NPAS2: variants seen among roughly 807,000 people sequenced by gnomAD.
The protein encoded by NPAS2 is neuronal PAS domain-containing protein 2.
NPAS2 carries 23 observed loss-of-function variants against 107.5 expected under a neutral mutation model. That is an observed-to-expected ratio of 0.21 (90% CI 0.15 to 0.30). The LOEUF is 0.30. Among genes scored for constraint, NPAS2 ranks in the 10% least tolerant of loss-of-function variants. The pLI, the probability that NPAS2 is intolerant of heterozygous loss-of-function variation, is 1.00. For synonymous variants in NPAS2, 403 were observed against 417.5 expected (o/e 0.97, Z 0.42); for missense variants, 756 against 1,043.3 (o/e 0.72, Z 3.79).
rs935713036 is a variant in NPAS2, at chr2:100,932,986, C to T, written c.258C>T (p.Thr86=). The change falls in exon 4 of 21, where the codon ACC becomes ACT. Residue 86 remains threonine, a synonymous_variant. Transcript: ENST00000335681. ...CATTCCTCAGTAATGAAGAATTCACCCAGCTGATGTTGGAGGTGAAATGCA... is the reference window on the plus strand; with the variant it reads ...CATTCCTCAGTAATGAAGAATTCACTCAGCTGATGTTGGAGGTGAAATGCA... ...KPSFLSNEEF[T]QLMLEALDGF... 2 of 1,612,894 alleles carry T rather than the reference C, an allele frequency of 1.2e-6. No individual in the cohort carries two copies. The highest frequency in any genetic ancestry group is 1.7e-6 in the Non-Finnish European group (2 of 1,179,004).
chr2:100,902,385 C>G (rs987075834), intron 1 of NPAS2, among the ~76,000 whole-genome samples: 2 of 152,146 alleles, frequency 1.3e-5, no homozygotes, highest in South Asian at 4.1e-4. Context: ...GGATATCACT[C>G]GGCCTTAAAA....
rs1233984515 is a variant in NPAS2, at chr2:100,934,904, G to C, written c.273+1903G>C. The C allele has an allele frequency of 4.1e-6, 4 of 985,228 alleles. No individual in the cohort carries two copies. In the African/African-American group the frequency reaches 7.0e-5, roughly 17 times the overall value. The allele number at this position is 985,228 out of a possible 1,614,324, so 61.0% of individuals were successfully genotyped here. ...AAGAATCCAGGTGCCATGTCTTAGT[G>C]GCCAGGATGTTCCCTTTCTAAAATG... On this transcript the variant is annotated intron_variant, in intron 4 of 20. Coordinates refer to ENST00000335681, the MANE Select transcript of NPAS2 (RefSeq NM_002518.4).
intron 1 of NPAS2, among the ~76,000 whole-genome samples, chr2:100,899,223 CTTTTTTT>C (rs368357697): frequency 7.5e-6 from 1 of 133,744 alleles, no homozygotes; most frequent in South Asian, 2.4e-4. Flanking sequence ...TTATGGACTT[CTTTTTTT>C]TTTTTTTTTT....
intron 1 of NPAS2, chr2:100,877,876 A>G (rs181569716): frequency 1.8e-5 from 13 of 715,198 alleles, no homozygotes; most frequent in Admixed American, 1.3e-4. Context: ...AAGAATGCCA[A>G]GGACCTTCTC....
intron 1 of NPAS2, among the ~76,000 whole-genome samples, chr2:100,873,275 CATATATATATATATATAT>C (rs376842348): frequency 6.1e-4 from 47 of 77,188 alleles, no homozygotes; most frequent in East Asian, 5.2e-3. Context: ...AAAAAAAATA[CATATATATATATATATAT>C]ATATATATAT....
At chr2:100,821,267 A>T in intron 1 of NPAS2, 1 of 1,237,888 alleles carries the variant, frequency 8.1e-7, no homozygotes, top group Non-Finnish European at 1.1e-6. Context: ...ATTAAGCAAG[A>T]TGGAAACCTT....
At chr2:100,861,558 G>A (rs923084784) in intron 1 of NPAS2, among the ~76,000 whole-genome samples, 1 of 152,136 alleles carries the variant, frequency 6.6e-6, no homozygotes, top group African/African-American at 2.4e-5. Flanking sequence ...AGAGTTGTTT[G>A]TCAGCCAGGC....
chr2:100,961,295 G>A (rs967455830), intron 7 of NPAS2, among the ~76,000 whole-genome samples: 9 of 152,168 alleles, frequency 5.9e-5, no homozygotes, highest in African/African-American at 2.2e-4. Flanking sequence ...AAGAAGACTC[G>A]TGCTGCAGGA....
chr2:100,912,253 TTTATTA>T (rs149103825), intron 2 of NPAS2, among the ~76,000 whole-genome samples: 737 of 67,258 alleles, frequency 0.011, 3 homozygotes, highest in Admixed American at 0.018. Flanking sequence ...TATTTATTTA[TTTATTA>T]TTATTATTTT....
At chr2:100,883,642 T>A (rs1016432971) in intron 1 of NPAS2, among the ~76,000 whole-genome samples, 1 of 152,150 alleles carries the variant, frequency 6.6e-6, no homozygotes, top group Non-Finnish European at 1.5e-5. Flanking sequence ...CTTAGCACCC[T>A]TCCCCATCCA....
intron 1 of NPAS2, among the ~76,000 whole-genome samples, chr2:100,866,669 T>A (rs1414245371): frequency 6.6e-6 from 1 of 152,212 alleles, no homozygotes; most frequent in Non-Finnish European, 1.5e-5. Flanking sequence ...CTTCATTCAT[T>A]TATTCAACCA....
chr2:100,876,907 A>G (rs1389200995), intron 1 of NPAS2, among the ~76,000 whole-genome samples: 2 of 152,236 alleles, frequency 1.3e-5, no homozygotes, highest in Admixed American at 6.5e-5. Context: ...TGCAGCCACC[A>G]GGAGATGCAG....
intron 1 of NPAS2, among the ~76,000 whole-genome samples, chr2:100,850,032 AAAAAAGC>A (rs1678057828): frequency 1.5e-5 from 2 of 131,148 alleles, no homozygotes; most frequent in Non-Finnish European, 1.6e-5. Context: ...AAAAAAAAAA[AAAAAAGC>A]AAGAGAAAAT....
chr2:100,970,720 G>T (rs541997714), intron 11 of NPAS2: 1 of 355,312 alleles, frequency 2.8e-6, no homozygotes, highest in Non-Finnish European at 5.1e-6. Flanking sequence ...TTTCAGGGAA[G>T]TAAAAAGAAT....
chr2:100,983,013 T>G (rs1307346722), intron 16 of NPAS2: 5 of 152,548 alleles, frequency 3.3e-5, no homozygotes, highest in Non-Finnish European at 5.9e-5. Context: ...AGGAAAACCT[T>G]TACATATTGG....
chr2:100,993,647 A>C, intron 20 of NPAS2, 120 bp downstream of exon 20: 1 of 736,128 alleles, frequency 1.4e-6, no homozygotes, highest in Non-Finnish European at 2.1e-6. Flanking sequence ...CCTAGTATAG[A>C]AGTAAGCCCC....
In NPAS2 at chr2:100,979,498, ATATATTTTTTTTT is replaced by A. The variant is rs1443491504; in HGVS notation, c.1482+1701_1482+1713del. ...ATAATAACTATATATATATATATAT[ATATATTTTTTTTT>A]TTTTTTTTTTTTTTTTTCTGAGACG... On this transcript the variant is annotated intron_variant, in intron 15 of 20. Transcript: ENST00000335681. 6.0e-4 allele frequency among the ~76,000 whole-genome samples: 34 copies of A among 56,828 alleles called. 1 individual carries two copies. The highest frequency in any genetic ancestry group is 3.2e-3 in the African/African-American group (34 of 10,480). 37.3% of individuals were successfully genotyped at this position (56,828 alleles called of 152,430 possible).
intron 1 of NPAS2, among the ~76,000 whole-genome samples, chr2:100,873,122 G>A (rs926094099): frequency 2.6e-5 from 4 of 151,002 alleles, no homozygotes; most frequent in Non-Finnish European, 4.4e-5. Context: ...GGCCAATATC[G>A]TGAAACCTCA....
At chr2:100,825,651 G>T (rs1676328368) in intron 1 of NPAS2, among the ~76,000 whole-genome samples, 1 of 152,222 alleles carries the variant, frequency 6.6e-6, no homozygotes, top group African/African-American at 2.4e-5. Context: ...TGGGGCTGCT[G>T]CCCTTGCCAG....
Sources: gnomAD v4.1 joint callset for allele counts (sites outside exome capture counted in the v4.1 genomes callset) on GRCh38, gnomAD v4.1.1 for gene constraint, MANE v1.5 for transcripts, NCBI Gene and HGNC (gene_info 2026-07-23, HGNC 2026-07-21) for gene names.